The following FAM184B variants were observed in gnomAD, a reference collection of about 807,000 sequenced individuals.
FAM184B encodes family with sequence similarity 184 member B.
Under a neutral mutation model 135.9 loss-of-function variants are expected in FAM184B, and 111 were observed. The ratio of observed to expected loss-of-function variants is 0.82; its 90% confidence interval spans 0.70 to 0.96. The LOEUF is 0.96. FAM184B is among the 40% of genes least tolerant of loss of function. The pLI is 0.00. For synonymous variants in FAM184B, 552 were observed against 524.8 expected, an observed-to-expected ratio of 1.05 and a Z score of -0.71; for missense variants, 1,375 against 1,323.9, an observed-to-expected ratio of 1.04 and a Z score of -0.60.
At chr4:17,718,927 A>G (rs916234662) in intron 1 of FAM184B, among the ~76,000 whole-genome samples, 8 of 152,260 alleles carry the variant, frequency 5.3e-5, no homozygotes, top group African/African-American at 1.9e-4. Context: ...ACAAAGTGAG[A>G]TAGAAAAGAA....
intron 1 of FAM184B, among the ~76,000 whole-genome samples, chr4:17,711,256 G>A (rs12651342): frequency 0.29 from 43,668 of 151,742 alleles, 7,270 homozygotes; most frequent in Non-Finnish European, 0.38. Flanking sequence ...TGAGGTGGGC[G>A]GATCACATGG....
chr4:17,772,157 G>C (rs189888765), intron 1 of FAM184B, among the ~76,000 whole-genome samples: 92 of 152,260 alleles, frequency 6.0e-4, no homozygotes, highest in African/African-American at 2.2e-3. Context: ...TTAGTATAAA[G>C]AAGGGTGAAA....
chr4:17,635,678 A>AG (rs1047512056), intron 15 of FAM184B, among the ~76,000 whole-genome samples: 2 of 148,938 alleles, frequency 1.3e-5, no homozygotes, highest in African/African-American at 5.2e-5. Context: ...ATTACTTTAA[A>AG]AAAAAAAAAA....
intron 1 of FAM184B, among the ~76,000 whole-genome samples, chr4:17,752,311 T>C (rs1312746433): frequency 5.9e-5 from 9 of 151,912 alleles, no homozygotes; most frequent in Admixed American, 5.3e-4. Context: ...AGTAAATGAA[T>C]AGGGAAATGG....
intron 11 of FAM184B, among the ~76,000 whole-genome samples, chr4:17,648,094 A>G (rs1715516036): frequency 6.6e-6 from 1 of 152,090 alleles, no homozygotes; most frequent in Admixed American, 6.6e-5. Flanking sequence ...CCACACAGCT[A>G]TTAAATGGTG....
In FAM184B at chr4:17,709,421, G is replaced by C; in HGVS notation, c.365C>G (p.Ser122Trp). The C allele has an allele frequency of 6.6e-7, 1 of 1,518,104 alleles. No homozygotes were observed. The highest frequency in any genetic ancestry group is 1.3e-5 in the South Asian group (1 of 79,942). 94.0% of individuals were successfully genotyped at this position (1,518,104 alleles called of 1,614,324 possible). A position where few individuals can be genotyped will look rare whatever the true frequency, so the allele number is the denominator to read the frequency against. ...KRLTEEALAE[S>W]ASCRLETKER... ...CTTCGTCTCCAGCCTGCACGAGGCC[G>C]ACTCAGCCAGCGCCTCCTCCGTCAG... Residue 122 changes from serine to tryptophan, a missense_variant, in exon 2 of 18, where the codon TCG (serine) becomes TGG (tryptophan). Ser to Trp is a radical substitution (Grantham distance 177). Coordinates refer to ENST00000265018, the MANE Select transcript of FAM184B (RefSeq NM_015688.2).
rs1424085918 is a variant in FAM184B, at chr4:17,630,425, C to T, written c.*2107G>A. ...GAGGCTCAGGGAGGCGCTCTTGCCTCTTCCACCATGTAAGGACACGTAGCA... is the reference window on the plus strand; with the variant it reads ...GAGGCTCAGGGAGGCGCTCTTGCCTTTTCCACCATGTAAGGACACGTAGCA... On this transcript the variant is annotated 3_prime_UTR_variant, in exon 18 of 18. Coordinates refer to ENST00000265018, the MANE Select transcript of FAM184B (RefSeq NM_015688.2). 1 of 152,346 alleles carries T rather than the reference C, an allele frequency of 6.6e-6. No individual in the cohort carries two copies. Among genetic ancestry groups the T allele is most frequent in the African/African-American group, 2.4e-5 (1 of 41,584 alleles). The allele number at this position is 152,346 out of a possible 1,614,324, so 9.4% of individuals were successfully genotyped here.
chr4:17,781,495 T>G lies in FAM184B; in HGVS notation c.-196A>C. 3.4e-6 allele frequency: 2 copies of G among 590,196 alleles called. No homozygotes were observed. The highest frequency in any genetic ancestry group is 5.3e-6 in the Non-Finnish European group (2 of 374,480). The allele number at this position is 590,196 out of a possible 1,614,324, so 36.6% of individuals were successfully genotyped here. ...GGGCCCACCCGCGCGCCCACCCTTT[T>G]TCCTCTCCTGCTGGTTCTCTGGCTG... On this transcript the variant is annotated 5_prime_UTR_variant, in exon 1 of 18. Transcript: ENST00000265018. The surrounding 1 kb of genome is among the most constrained non-coding windows in gnomAD (Gnocchi z 6.5).
At chr4:17,688,773 C>T (rs1054187914) in intron 6 of FAM184B, among the ~76,000 whole-genome samples, 29 of 144,640 alleles carry the variant, frequency 2.0e-4, no homozygotes, top group African/African-American at 7.3e-4. Context: ...CTTACTGCAA[C>T]CTCCACCTCC....
intron 7 of FAM184B, among the ~76,000 whole-genome samples, chr4:17,686,623 A>G (rs1716597182): frequency 6.6e-6 from 1 of 152,204 alleles, no homozygotes; most frequent in Non-Finnish European, 1.5e-5. Flanking sequence ...CTTCTATAAC[A>G]TGGGTGCCTT....
At chr4:17,642,782 G>A (rs1715360465) in intron 12 of FAM184B, among the ~76,000 whole-genome samples, 1 of 152,220 alleles carries the variant, frequency 6.6e-6, no homozygotes, top group Non-Finnish European at 1.5e-5. Flanking sequence ...GTATTCTATA[G>A]GTGCCACGTG....
At chr4:17,643,388 T>A (rs1577243665) in intron 12 of FAM184B, among the ~76,000 whole-genome samples, 1 of 152,208 alleles carries the variant, frequency 6.6e-6, no homozygotes, top group South Asian at 2.1e-4. Context: ...ACACTTTCCT[T>A]CTAGAGGGTT....
intron 1 of FAM184B, among the ~76,000 whole-genome samples, chr4:17,745,090 G>A (rs987264948): frequency 5.3e-5 from 8 of 152,190 alleles, no homozygotes; most frequent in Admixed American, 2.6e-4. Context: ...CCTTCAGGGG[G>A]CTGACATCTA....
intron 6 of FAM184B, among the ~76,000 whole-genome samples, chr4:17,688,885 G>T (rs1716657996): frequency 6.6e-6 from 1 of 151,878 alleles, no homozygotes; most frequent in South Asian, 2.1e-4. Flanking sequence ...TAGAAACGGG[G>T]TTTCACCATG....
rs1397370898 is a variant in FAM184B, at chr4:17,684,121, T to TG, written c.1596+4302_1596+4303insC. 4.4e-3 allele frequency among the ~76,000 whole-genome samples: 181 copies of TG among 41,326 alleles called. 2 individuals are homozygous for TG. The highest frequency in any genetic ancestry group is 7.8e-3 in the African/African-American group (180 of 23,012). The allele number at this position is 41,326 out of a possible 152,430, so 27.1% of individuals were successfully genotyped here. ...ATTATATTATAGTATAAAATAATTATATATAAAATAATTATATATAAAATA... is the reference window on the plus strand; with the variant it reads ...ATTATATTATAGTATAAAATAATTATGATATAAAATAATTATATATAAAATA... On this transcript the variant is annotated intron_variant, in intron 7 of 17. Transcript: ENST00000265018.
chr4:17,635,051 G>GA lies in FAM184B; in HGVS notation c.2846dup (p.Ser950LeufsTer48). The GA allele has an allele frequency of 6.4e-7, 1 of 1,551,862 alleles. No homozygotes were observed. On this transcript the variant is annotated frameshift_variant, in exon 16 of 18. Transcript: ENST00000265018. LOFTEE classifies it high-confidence loss of function. ...AATATCCCGGGTGAGGATTGAAAGA[G>GA]AAAGACCGATTCCGGTGGGACATGG...
chr4:17,707,415 T>C (rs1177482043), intron 3 of FAM184B, among the ~76,000 whole-genome samples: 1 of 152,058 alleles, frequency 6.6e-6, no homozygotes, highest in Non-Finnish European at 1.5e-5. Flanking sequence ...GGGCAAGGGG[T>C]CCTTTCACAT....
rs1334738597 is a variant in FAM184B, at chr4:17,709,214, G to A, written c.572C>T (p.Pro191Leu). 1.3e-6 allele frequency: 2 copies of A among 1,547,588 alleles called. No individual in the cohort carries two copies. Among genetic ancestry groups the A allele is most frequent in the African/African-American group, 1.4e-5 (1 of 73,020 alleles). ...PETKSEPGQG[P>L]EMQEVLLEVQ... ...CTCTAGCAGGACCTCCTGCATCTCC[G>A]GGCCCTGGCCTGGCTCCGACTTGGT... The change falls in exon 2 of 18, where the codon CCG (proline) becomes CTG (leucine). Residue 191 changes from proline to leucine, a missense_variant. Physicochemically the swap from Pro to Leu is moderately conservative, Grantham distance 98 (BLOSUM62 -3). Transcript: ENST00000265018.
At chr4:17,754,294 G>A (rs941887095) in intron 1 of FAM184B, among the ~76,000 whole-genome samples, 1 of 152,090 alleles carries the variant, frequency 6.6e-6, no homozygotes, top group Admixed American at 6.6e-5. Context: ...ACCCGCGCCT[G>A]TAATCCCAGC....
Sources: allele counts gnomAD v4.1 joint callset (sites outside exome capture counted in the v4.1 genomes callset), GRCh38; gene constraint gnomAD v4.1.1; non-coding constraint Gnocchi (gnomAD v3.1); transcripts MANE v1.5; gene names NCBI Gene and HGNC (gene_info 2026-07-23, HGNC 2026-07-21).